ST6GALNAC3: variants seen among roughly 807,000 people sequenced by gnomAD.
The protein encoded by ST6GALNAC3 is ST6 N-acetylgalactosaminide alpha-2,6-sialyltransferase 3, also known as alpha-N-acetylgalactosaminide alpha-2,6-sialyltransferase 3.
In ST6GALNAC3, 25 loss-of-function variants were observed where a neutral mutation model predicts 32.7. That is an observed-to-expected ratio of 0.76 (90% CI 0.56 to 1.07). The LOEUF (loss-of-function observed/expected upper bound fraction) is 1.07, where lower values mean the gene tolerates loss of function less well. Ranked by LOEUF, ST6GALNAC3 falls within the 50% of genes least tolerant of loss-of-function variation. The pLI is 0.00. For missense variants in ST6GALNAC3, 355 were observed against 382.4 expected (o/e 0.93, Z 0.60); for synonymous variants, 129 against 133.1 (o/e 0.97, Z 0.21).
chr1:76,443,695 GT>G (rs1656772877), intron 3 of ST6GALNAC3, among the ~76,000 whole-genome samples: 1 of 152,184 alleles, frequency 6.6e-6, no homozygotes, highest in Admixed American at 6.5e-5. Flanking sequence ...AATTTTTCAA[GT>G]TCTTAAAGCA....
At chr1:76,263,401 G>A (rs1044880810) in intron 1 of ST6GALNAC3, among the ~76,000 whole-genome samples, 43 of 152,064 alleles carry the variant, frequency 2.8e-4, no homozygotes, top group African/African-American at 9.9e-4. Flanking sequence ...TTTTTTATAT[G>A]GGTATCAAGT....
chr1:76,413,088 T>C, intron 3 of ST6GALNAC3: 1 of 232,774 alleles, frequency 4.3e-6, no homozygotes, highest in Non-Finnish European at 9.0e-6. Context: ...TTCTGTAAAC[T>C]ACACTTCGCA....
At chr1:76,487,238 T>C (rs1250805662) in intron 3 of ST6GALNAC3, among the ~76,000 whole-genome samples, 1 of 152,172 alleles carries the variant, frequency 6.6e-6, no homozygotes, top group Admixed American at 6.5e-5. Context: ...ATCTTTGTGG[T>C]GTTTTCTGCA....
intron 4 of ST6GALNAC3, among the ~76,000 whole-genome samples, chr1:76,628,192 CATA>C (rs1474173763): frequency 6.6e-6 from 1 of 151,900 alleles, no homozygotes; most frequent in East Asian, 1.9e-4. Context: ...CTGTTTTAAT[CATA>C]ATGTCAAAAT....
In ST6GALNAC3 at chr1:76,456,654, C is replaced by A. The variant is rs182519320; in HGVS notation, c.623+44237C>A. On this transcript the variant is annotated intron_variant, in intron 3 of 4. Transcript: ENST00000328299. ...AAGGCCTTTGACAAAATTTAACAAC[C>A]CTTCATGCTAAAAACTCTCAATAAA... Among the ~76,000 whole-genome samples, 603 of 152,216 alleles carry A rather than the reference C, an allele frequency of 4.0e-3. 4 individuals carry two copies. The highest frequency in any genetic ancestry group is 5.4e-3 in the Non-Finnish European group (366 of 68,012).
chr1:76,237,166 T>G (rs1656702247), intron 1 of ST6GALNAC3, among the ~76,000 whole-genome samples: 1 of 152,166 alleles, frequency 6.6e-6, no homozygotes, highest in Non-Finnish European at 1.5e-5. Context: ...TTTTTTATAT[T>G]CTCCCCACCC....
intron 1 of ST6GALNAC3, among the ~76,000 whole-genome samples, chr1:76,208,167 C>G (rs967036292): frequency 6.6e-6 from 1 of 152,246 alleles, no homozygotes; most frequent in Admixed American, 6.5e-5. Context: ...GACCTATGGC[C>G]TGGGCCTGCC....
At chr1:76,406,145 T>C (rs1653818313) in intron 2 of ST6GALNAC3, among the ~76,000 whole-genome samples, 1 of 152,098 alleles carries the variant, frequency 6.6e-6, no homozygotes, top group Non-Finnish European at 1.5e-5. Flanking sequence ...TCAGCCATTG[T>C]CCTGGATCCT....
chr1:76,086,144 C>T (rs953805981), intron 1 of ST6GALNAC3, among the ~76,000 whole-genome samples: 2 of 152,200 alleles, frequency 1.3e-5, no homozygotes, highest in Non-Finnish European at 2.9e-5. Flanking sequence ...CAAATCCTTT[C>T]TCACACTTTG....
chr1:76,340,235 C>T (rs573633359), intron 2 of ST6GALNAC3, among the ~76,000 whole-genome samples: 19 of 152,228 alleles, frequency 1.2e-4, no homozygotes, highest in South Asian at 6.2e-4. Context: ...TATATAAAAG[C>T]GAAAGGGAAA....
intron 1 of ST6GALNAC3, among the ~76,000 whole-genome samples, chr1:76,166,365 C>T (rs753068867): frequency 7.2e-5 from 11 of 151,992 alleles, no homozygotes; most frequent in Admixed American, 4.6e-4. Context: ...TCTGTTTTCT[C>T]TTTTTGTACC....
chr1:76,117,769 G>A (rs1269943941), intron 1 of ST6GALNAC3, among the ~76,000 whole-genome samples: 1 of 152,178 alleles, frequency 6.6e-6, no homozygotes, highest in Non-Finnish European at 1.5e-5. Context: ...GGGAAGCAGT[G>A]TAGTATATGG....
At chr1:76,111,440 T>C (rs1357421159) in intron 1 of ST6GALNAC3, among the ~76,000 whole-genome samples, 1 of 84,560 alleles carries the variant, frequency 1.2e-5, no homozygotes, top group Non-Finnish European at 2.3e-5. Flanking sequence ...TTTTTTTTTT[T>C]CATAATAAAA....
At chr1:76,253,874 G>A (rs928247365) in intron 1 of ST6GALNAC3, among the ~76,000 whole-genome samples, 2 of 152,098 alleles carry the variant, frequency 1.3e-5, no homozygotes, top group Admixed American at 6.6e-5. Flanking sequence ...ACATCTTCCA[G>A]TGAGATTTTG....
At chr1:76,171,327 T>TA (rs1197364027) in intron 1 of ST6GALNAC3, among the ~76,000 whole-genome samples, 2 of 151,936 alleles carry the variant, frequency 1.3e-5, no homozygotes, top group East Asian at 3.9e-4. Flanking sequence ...ACAGAAATCC[T>TA]AAAAAATCAT....
chr1:76,228,896 G>A (rs1656215386), intron 1 of ST6GALNAC3, among the ~76,000 whole-genome samples: 1 of 152,158 alleles, frequency 6.6e-6, no homozygotes, highest in Non-Finnish European at 1.5e-5. Flanking sequence ...CCTGCGCATT[G>A]ATGGTCATCT....
chr1:76,117,265 G>A (rs1648542147), intron 1 of ST6GALNAC3, among the ~76,000 whole-genome samples: 1 of 152,186 alleles, frequency 6.6e-6, no homozygotes, highest in Non-Finnish European at 1.5e-5. Flanking sequence ...CTCTAGTTTA[G>A]TTTGAGGATA....
intron 1 of ST6GALNAC3, among the ~76,000 whole-genome samples, chr1:76,163,089 C>A (rs190509451): frequency 5.8e-4 from 88 of 152,302 alleles, no homozygotes; most frequent in South Asian, 3.5e-3. Context: ...AGCTTGAGTG[C>A]CTACCTTAAG....
At position 76,510,244 on chromosome 1, in the gene ST6GALNAC3, A is replaced by C. The variant is rs149319266; in HGVS notation, c.623+97827A>C. Among the ~76,000 whole-genome samples the C allele has an allele frequency of 1.5e-3, 222 of 152,310 alleles. 1 individual carries two copies. Among genetic ancestry groups the C allele is most frequent in the East Asian group, 0.014 (70 of 5,180 alleles). ...CAGCATACTAGGAGCTCTGGCCAAC[A>C]ACTTTAAAATGGGTCTTCACCATTT... On this transcript the variant is annotated intron_variant, in intron 3 of 4. Coordinates refer to ENST00000328299, the MANE Select transcript of ST6GALNAC3 (RefSeq NM_152996.4).
Sources: allele counts gnomAD v4.1 joint callset (sites outside exome capture counted in the v4.1 genomes callset), GRCh38; gene constraint gnomAD v4.1.1; transcripts MANE v1.5; gene names NCBI Gene and HGNC (gene_info 2026-07-23, HGNC 2026-07-21).